SNX24: variants seen among roughly 807,000 people sequenced by gnomAD.
SNX24 encodes sorting nexin-24.
SNX24 carries 22 observed loss-of-function variants against 28.7 expected under a neutral mutation model. The ratio of observed to expected loss-of-function variants is 0.77; its 90% CI spans 0.55 to 1.10. The LOEUF (loss-of-function observed/expected upper bound fraction) is 1.10. Among genes scored for constraint, SNX24 ranks in the 50% least tolerant of loss-of-function variants. The pLI is 0.00. For synonymous variants in SNX24, 69 were observed against 71.5 expected, an observed-to-expected ratio of 0.96 and a Z score of 0.18; for missense variants, 221 against 201.1, an observed-to-expected ratio of 1.10 and a Z score of -0.60.
At chr5:122,912,712 A>G in intron 1 of SNX24, among the ~76,000 whole-genome samples, 1 of 148,314 alleles carries the variant, frequency 6.7e-6, no homozygotes. Flanking sequence ...CCTTTTCTGC[A>G]TCTATTGAGA....
rs1402793418 is a variant in SNX24, at chr5:122,934,035, A to G, written c.61-2699A>G. Among the ~76,000 whole-genome samples the G allele has an allele frequency of 2.0e-5, 3 of 152,000 alleles. No individual in the cohort carries two copies. The East Asian group carries it at 5.8e-4, about 29-fold the overall frequency. On this transcript the variant is annotated intron_variant, in intron 1 of 6. Transcript: ENST00000261369. ...TGACCTCAGGTGATACGCCCGTCTC[A>G]GCCCCCATAAAGGCTGACCTCTTGT...
At chr5:122,907,154 A>G (rs1757677691) in intron 1 of SNX24, among the ~76,000 whole-genome samples, 1 of 152,208 alleles carries the variant, frequency 6.6e-6, no homozygotes, top group African/African-American at 2.4e-5. Context: ...CTAAGGAAGG[A>G]GTAACTTCAG....
At chr5:122,870,136 T>C (rs971487000) in intron 1 of SNX24, among the ~76,000 whole-genome samples, 1 of 152,228 alleles carries the variant, frequency 6.6e-6, no homozygotes. Context: ...ATGTTTTTCA[T>C]CTAGGCCTCA....
intron 5 of SNX24, chr5:123,028,907 G>T: frequency 6.8e-7 from 1 of 1,481,008 alleles, no homozygotes; most frequent in South Asian, 1.2e-5. Flanking sequence ...AGTAACAGAG[G>T]CCATACTGAA....
At chr5:123,011,704 C>G (rs916543970), downstream of SNX24, among the ~76,000 whole-genome samples, 8 of 152,226 alleles carry the variant, frequency 5.3e-5, no homozygotes, top group East Asian at 1.5e-3. Context: ...AAATTGCAAC[C>G]CTTGTAACTG....
At chr5:122,919,109 A>C (rs1241078943) in intron 1 of SNX24, among the ~76,000 whole-genome samples, 1 of 152,252 alleles carries the variant, frequency 6.6e-6, no homozygotes, top group African/African-American at 2.4e-5. Flanking sequence ...AAAGGCAGAG[A>C]CTAATGGAAA....
At chr5:122,924,111 C>T (rs1319239425) in intron 1 of SNX24, among the ~76,000 whole-genome samples, 3 of 152,098 alleles carry the variant, frequency 2.0e-5, no homozygotes, top group Non-Finnish European at 2.9e-5. Context: ...TGTTCAAAGA[C>T]CCCCAGTGGA....
chr5:122,946,917 G>A (rs928288932), intron 3 of SNX24, among the ~76,000 whole-genome samples: 5 of 152,212 alleles, frequency 3.3e-5, no homozygotes, highest in African/African-American at 1.2e-4. Flanking sequence ...AGGTCAGCCA[G>A]TACCATTCTG....
intron 1 of SNX24, among the ~76,000 whole-genome samples, chr5:122,916,806 T>C (rs531018506): frequency 7.2e-5 from 11 of 152,312 alleles, no homozygotes; most frequent in African/African-American, 2.4e-4. Context: ...TTCAGCCTTA[T>C]CGGGGGGTGT....
intron 5 of SNX24, among the ~76,000 whole-genome samples, chr5:123,027,657 CA>C (rs1309495406): frequency 6.6e-6 from 1 of 152,146 alleles, no homozygotes; most frequent in African/African-American, 2.4e-5. Flanking sequence ...CCTGGCAAAT[CA>C]AAGCACTTAA....
intron 1 of SNX24, among the ~76,000 whole-genome samples, chr5:122,888,415 A>G (rs1756810937): frequency 6.6e-6 from 1 of 151,790 alleles, no homozygotes; most frequent in African/African-American, 2.4e-5. Flanking sequence ...TCTTGGGCAT[A>G]TTATTTAACA....
At position 122,845,624 on chromosome 5, in the gene SNX24, C is replaced by G. The variant is rs748727628; in HGVS notation, c.-10C>G. 6 of 1,394,032 alleles carry G rather than the reference C, an allele frequency of 4.3e-6. No homozygotes were observed. Among genetic ancestry groups the G allele is most frequent in the Non-Finnish European group, 5.6e-6 (6 of 1,065,644 alleles). 86.4% of individuals were successfully genotyped at this position (1,394,032 alleles called of 1,614,324 possible). The stretch of plus-strand genomic sequence containing the variant: ...CCCAACTCGCCCTCAGCCGGCTGGC[C>G]GGCGCGGCCATGGAGGTCTACATCC... On this transcript the variant is annotated 5_prime_UTR_variant, in exon 1 of 7. Coordinates refer to ENST00000261369, the MANE Select transcript of SNX24 (RefSeq NM_014035.4).
At chr5:123,020,098 C>G (rs1338034661) in intron 5 of SNX24, among the ~76,000 whole-genome samples, 1 of 152,218 alleles carries the variant, frequency 6.6e-6, no homozygotes, top group South Asian at 2.1e-4. Context: ...TGGCATGTAT[C>G]GCGTAAAGCG....
chr5:123,025,737 T>G, intron 5 of SNX24: 1 of 1,554,430 alleles, frequency 6.4e-7, no homozygotes, highest in Non-Finnish European at 8.8e-7. Flanking sequence ...GAAAGTACTC[T>G]CAATAAAAAT....
Position 122,905,721 on chromosome 5 carries a change from C to T in SNX24, c.61-31013C>T, listed in dbSNP as rs1757619302. 1.3e-5 allele frequency among the ~76,000 whole-genome samples: 2 copies of T among 152,186 alleles called. 1 individual carries two copies. Among genetic ancestry groups the T allele is most frequent in the South Asian group, 4.1e-4 (2 of 4,834 alleles). ...TCCTGAGCACTAGTTCAAGATCCTC[C>T]TCTCTTTCCAACTCAGATATAACTT... is the stretch of plus-strand genomic sequence containing the variant. On this transcript the variant is annotated intron_variant, in intron 1 of 6. Transcript: ENST00000261369.
At chr5:122,932,103 T>C (rs1185593909) in intron 1 of SNX24, among the ~76,000 whole-genome samples, 2 of 152,218 alleles carry the variant, frequency 1.3e-5, no homozygotes, top group Non-Finnish European at 2.9e-5. Context: ...GGGATCAGAT[T>C]CTTCTCTTTA....
intron 1 of SNX24, among the ~76,000 whole-genome samples, chr5:122,919,254 G>A (rs1170618035): frequency 4.6e-5 from 7 of 152,190 alleles, no homozygotes; most frequent in African/African-American, 1.4e-4. Context: ...AGTGGCTTCC[G>A]CATTTTATGG....
chr5:123,002,694 A>G (rs987473771), intron 6 of SNX24, among the ~76,000 whole-genome samples: 2 of 152,262 alleles, frequency 1.3e-5, no homozygotes, highest in African/African-American at 2.4e-5. Flanking sequence ...ATGGCAAACT[A>G]TATATTTTTA....
At chr5:122,887,190 A>G (rs1269999372) in intron 1 of SNX24, among the ~76,000 whole-genome samples, 1 of 152,174 alleles carries the variant, frequency 6.6e-6, no homozygotes, top group African/African-American at 2.4e-5. Context: ...CTCTGGGTGG[A>G]GAGTTTAGCT....
Sources: allele counts gnomAD v4.1 joint callset (sites outside exome capture counted in the v4.1 genomes callset), GRCh38; gene constraint gnomAD v4.1.1; transcripts MANE v1.5; gene names NCBI Gene and HGNC (gene_info 2026-07-23, HGNC 2026-07-21).